FRMD6: variants seen among roughly 807,000 people sequenced by gnomAD.
The protein encoded by FRMD6 is FERM domain containing 6, also known as FERM domain-containing protein 6.
A neutral mutation model predicts 73.2 loss-of-function variants in FRMD6; 37 were observed. That is an observed-to-expected ratio of 0.51 (90% CI 0.39 to 0.66). The LOEUF is 0.66. Among genes scored for constraint, FRMD6 ranks in the 30% least tolerant of loss-of-function variants. The pLI is 0.00. For missense variants in FRMD6, 714 were observed against 780.5 expected (o/e 0.91, Z 1.02); for synonymous variants, 273 against 282.2 (o/e 0.97, Z 0.33).
chr14:51,720,138 G>A lies in FRMD6; in HGVS notation c.1108G>A (p.Gly370Arg), dbSNP rs774320055. The A allele has an allele frequency of 2.4e-5, 39 of 1,613,760 alleles. No homozygotes were observed. Among genetic ancestry groups the A allele is most frequent in the Non-Finnish European group, 3.1e-5 (37 of 1,180,042 alleles). Residue 370 changes from glycine to arginine, a missense_variant, in exon 11 of 14, where the codon GGG becomes AGG. Transcript: ENST00000344768. ...DQLEKRSRASGSSAGSMKHKR... is the reference protein window; with the variant it reads ...DQLEKRSRASRSSAGSMKHKR... Reference sequence around the variant, plus strand: ...GCTGGAAAAACGGTCGCGGGCCAGCGGGAGCAGTGCGGGCAGCATGAAACA... The same window carrying A: ...GCTGGAAAAACGGTCGCGGGCCAGCAGGAGCAGTGCGGGCAGCATGAAACA...
chr14:51,705,810 G>A (rs1423405578), intron 6 of FRMD6, among the ~76,000 whole-genome samples: 1 of 152,044 alleles, frequency 6.6e-6, no homozygotes, highest in African/African-American at 2.4e-5. Context: ...AATTAAATAT[G>A]CACTACTTTT....
chr14:51,507,762 A>C (rs1291752930), intron 1 of FRMD6, among the ~76,000 whole-genome samples: 2 of 151,618 alleles, frequency 1.3e-5, no homozygotes, highest in African/African-American at 4.8e-5. Flanking sequence ...GGGGAGCTGA[A>C]AAGGCTTGGC....
intron 1 of FRMD6, among the ~76,000 whole-genome samples, chr14:51,662,796 G>A (rs1240400766): frequency 6.6e-6 from 1 of 152,090 alleles, no homozygotes; most frequent in Non-Finnish European, 1.5e-5. Context: ...TGGACAAATG[G>A]GATCTAATTA....
intron 1 of FRMD6, among the ~76,000 whole-genome samples, chr14:51,518,618 C>T (rs147157956): frequency 1.8e-3 from 267 of 152,250 alleles, no homozygotes; most frequent in African/African-American, 5.9e-3. Context: ...ATTAATTTTA[C>T]CTCTGATATA....
At chr14:51,646,594 A>G (rs890770365) in intron 2 of FRMD6, among the ~76,000 whole-genome samples, 1 of 151,648 alleles carries the variant, frequency 6.6e-6, no homozygotes, top group African/African-American at 2.4e-5. Context: ...TGATCAAAGA[A>G]TCAGAGCTGC....
chr14:51,585,694 C>A (rs1451657186), intron 2 of FRMD6, among the ~76,000 whole-genome samples: 1 of 151,184 alleles, frequency 6.6e-6, no homozygotes, highest in Non-Finnish European at 1.5e-5. Context: ...AATTTTTAAC[C>A]CCTTGCCCGA....
chr14:51,440,421 T>C, the FRMD6 span, among the ~76,000 whole-genome samples: 1 of 152,206 alleles, frequency 6.6e-6, no homozygotes, highest in Non-Finnish European at 1.5e-5. Context: ...TATTCTGGTT[T>C]GGTTATGTAA....
At chr14:51,513,050 C>G (rs573199549) in intron 1 of FRMD6, among the ~76,000 whole-genome samples, 1 of 152,310 alleles carries the variant, frequency 6.6e-6, no homozygotes, top group East Asian at 1.9e-4. Flanking sequence ...TTAGGAGGCT[C>G]TAGTCTGATT....
At chr14:51,463,963 G>A in the FRMD6 span, among the ~76,000 whole-genome samples, 18 of 152,042 alleles carry the variant, frequency 1.2e-4, no homozygotes, top group East Asian at 3.9e-4. Context: ...GACTACAGGC[G>A]TGCACTACCA....
At chr14:51,670,220 A>G (rs1229961375) in intron 1 of FRMD6, among the ~76,000 whole-genome samples, 1 of 152,110 alleles carries the variant, frequency 6.6e-6, no homozygotes, top group Non-Finnish European at 1.5e-5. Context: ...GACCACAGGC[A>G]TGCACCACCA....
chr14:51,670,900 G>A (rs1210110023), intron 1 of FRMD6, among the ~76,000 whole-genome samples: 2 of 152,156 alleles, frequency 1.3e-5, no homozygotes, highest in African/African-American at 2.4e-5. Context: ...ACCTGCCTCG[G>A]CCTCCCAAAA....
chr14:51,602,841 A>G (rs1890092385), intron 2 of FRMD6, among the ~76,000 whole-genome samples: 1 of 152,248 alleles, frequency 6.6e-6, no homozygotes. Flanking sequence ...GTTTATCCCA[A>G]TATTATTAAC....
At chr14:51,669,360 A>G (rs1205798624) in intron 1 of FRMD6, among the ~76,000 whole-genome samples, 1 of 152,246 alleles carries the variant, frequency 6.6e-6, no homozygotes, top group Non-Finnish European at 1.5e-5. Context: ...TTTATGTATT[A>G]TATAAGTCTT....
At chr14:51,653,682 T>C (rs1892599603) in intron 1 of FRMD6, among the ~76,000 whole-genome samples, 1 of 152,208 alleles carries the variant, frequency 6.6e-6, no homozygotes, top group Admixed American at 6.5e-5. Flanking sequence ...ATGTCCTTTG[T>C]AGTATAAAAC....
At chr14:51,529,759 G>T (rs1206181567) in intron 1 of FRMD6, among the ~76,000 whole-genome samples, 1 of 152,178 alleles carries the variant, frequency 6.6e-6, no homozygotes, top group Non-Finnish European at 1.5e-5. Flanking sequence ...TCATAACAGA[G>T]AACCCACACA....
At chr14:51,484,984 A>G (rs1326932045), upstream of FRMD6, among the ~76,000 whole-genome samples, 4 of 152,234 alleles carry the variant, frequency 2.6e-5, no homozygotes, top group African/African-American at 9.6e-5. Flanking sequence ...CACTTGGCCT[A>G]TGATGCTTCT....
At chr14:51,710,186 T>C (rs1473407440) in intron 7 of FRMD6, among the ~76,000 whole-genome samples, 2 of 152,174 alleles carry the variant, frequency 1.3e-5, no homozygotes, top group African/African-American at 2.4e-5. Flanking sequence ...ATGACTCTTA[T>C]CTGCTAAAAA....
At chr14:51,565,773 A>G (rs999074798) in intron 1 of FRMD6, among the ~76,000 whole-genome samples, 8 of 152,142 alleles carry the variant, frequency 5.3e-5, no homozygotes, top group African/African-American at 1.9e-4. Flanking sequence ...GAAGTCATGA[A>G]TTGGGGCACA....
intron 5 of FRMD6, 113 bp downstream of exon 5, chr14:51,702,701 C>G (rs1368407049): frequency 1.2e-6 from 1 of 838,110 alleles, no homozygotes. Context: ...AGGATATAAA[C>G]TCTGTAGGAG....
Sources: allele counts gnomAD v4.1 joint callset (sites outside exome capture counted in the v4.1 genomes callset), GRCh38; gene constraint gnomAD v4.1.1; transcripts MANE v1.5; gene names NCBI Gene and HGNC (gene_info 2026-07-23, HGNC 2026-07-21).